The following NRXN3 variants were observed in gnomAD, a reference collection of about 807,000 sequenced individuals.
NRXN3 encodes neurexin 3.
Under a neutral mutation model 137.6 loss-of-function variants are expected in NRXN3, and 32 were observed. The observed-to-expected ratio is 0.23, with a 90% confidence interval of 0.18 to 0.31. NRXN3 has a LOEUF of 0.31. NRXN3 is among the 10% of genes least tolerant of loss of function. The pLI, the probability that NRXN3 is intolerant of heterozygous loss-of-function variation, is 1.00. For synonymous variants in NRXN3, 798 were observed against 784.5 expected, an observed-to-expected ratio of 1.02 and a Z score of -0.29; for missense variants, 1,574 against 2,062.5, an observed-to-expected ratio of 0.76 and a Z score of 4.59.
intron 4 of NRXN3, among the ~76,000 whole-genome samples, chr14:78,541,423 G>A (rs2096588435): frequency 6.6e-6 from 1 of 152,074 alleles, no homozygotes; most frequent in African/African-American, 2.4e-5. Flanking sequence ...TGAAACTTGT[G>A]TATGCATCAT....
intron 15 of NRXN3, among the ~76,000 whole-genome samples, chr14:79,040,752 T>C (rs1410960447): frequency 6.6e-6 from 1 of 152,180 alleles, no homozygotes; most frequent in Non-Finnish European, 1.5e-5. Context: ...GTGTCTCATG[T>C]GCATAAGGTG....
At chr14:79,636,052 C>T (rs575318479) in intron 16 of NRXN3, among the ~76,000 whole-genome samples, 1 of 152,228 alleles carries the variant, frequency 6.6e-6, no homozygotes, top group South Asian at 2.1e-4. Flanking sequence ...GTAGGGACAA[C>T]CACATCACTG....
At chr14:79,686,618 A>C (rs2098696131) in intron 17 of NRXN3, among the ~76,000 whole-genome samples, 1 of 152,186 alleles carries the variant, frequency 6.6e-6, no homozygotes, top group African/African-American at 2.4e-5. Flanking sequence ...AAAACAGATG[A>C]AGACACCAAG....
chr14:79,482,527 G>A (rs1041692660), intron 16 of NRXN3, among the ~76,000 whole-genome samples: 8 of 152,046 alleles, frequency 5.3e-5, no homozygotes, highest in African/African-American at 1.7e-4. Context: ...CAAAAAAATA[G>A]CATCTTCACC....
intron 20 of NRXN3, among the ~76,000 whole-genome samples, chr14:79,855,781 G>GT (rs2099401296): frequency 6.6e-6 from 1 of 152,134 alleles, no homozygotes; most frequent in Non-Finnish European, 1.5e-5. Context: ...AGTAGGTACT[G>GT]TGTTAACCAT....
At chr14:78,319,069 A>G (rs1190945745) in intron 4 of NRXN3, among the ~76,000 whole-genome samples, 1 of 152,232 alleles carries the variant, frequency 6.6e-6, no homozygotes, top group Non-Finnish European at 1.5e-5. Flanking sequence ...CTTTGAGGCC[A>G]TCACTTTGAA....
At chr14:79,764,519 C>G (rs1347961852) in intron 19 of NRXN3, among the ~76,000 whole-genome samples, 1 of 152,186 alleles carries the variant, frequency 6.6e-6, no homozygotes, top group Non-Finnish European at 1.5e-5. Context: ...ACTCAGTGCT[C>G]TAGCATGGGG....
chr14:79,631,190 G>A (rs1328601506), intron 16 of NRXN3, among the ~76,000 whole-genome samples: 1 of 152,256 alleles, frequency 6.6e-6, no homozygotes, highest in East Asian at 1.9e-4. Context: ...TCTAATGAGA[G>A]GAGACAGATC....
intron 16 of NRXN3, among the ~76,000 whole-genome samples, chr14:79,651,985 T>C (rs1248051707): frequency 6.6e-6 from 1 of 152,186 alleles, no homozygotes; most frequent in East Asian, 1.9e-4. Flanking sequence ...CTATTGAAAG[T>C]GAAGACTCAG....
chr14:79,239,152 G>A (rs571351024), intron 15 of NRXN3, among the ~76,000 whole-genome samples: 1 of 152,186 alleles, frequency 6.6e-6, no homozygotes, highest in South Asian at 2.1e-4. Flanking sequence ...AGAGATTAAT[G>A]ACAATAACTA....
At chr14:78,751,655 C>A (rs1407979179) in intron 8 of NRXN3, among the ~76,000 whole-genome samples, 1 of 152,188 alleles carries the variant, frequency 6.6e-6, no homozygotes, top group African/African-American at 2.4e-5. Flanking sequence ...GATTCCCACT[C>A]TTCCAGCACT....
chr14:79,240,101 G>A (rs1177213373), intron 15 of NRXN3, among the ~76,000 whole-genome samples: 2 of 152,110 alleles, frequency 1.3e-5, no homozygotes, highest in African/African-American at 4.8e-5. Flanking sequence ...ATATTAATTA[G>A]TTTGAGTTAA....
chr14:78,961,424 A>G (rs566378351), intron 11 of NRXN3, among the ~76,000 whole-genome samples: 9 of 152,242 alleles, frequency 5.9e-5, no homozygotes, highest in South Asian at 4.1e-4. Flanking sequence ...ACTGGGGGAC[A>G]TATAGAAGAC....
intron 15 of NRXN3, among the ~76,000 whole-genome samples, chr14:79,174,748 C>T (rs991021579): frequency 8.6e-5 from 13 of 151,656 alleles, no homozygotes; most frequent in African/African-American, 2.2e-4. Flanking sequence ...GCAGAATGGA[C>T]TTGATCTGTC....
At chr14:79,452,610 C>T (rs1374097294) in intron 15 of NRXN3, among the ~76,000 whole-genome samples, 1 of 152,196 alleles carries the variant, frequency 6.6e-6, no homozygotes, top group African/African-American at 2.4e-5. Context: ...ATGCAGTCAC[C>T]TCTCACAAGG....
intron 4 of NRXN3, among the ~76,000 whole-genome samples, chr14:78,451,272 ACCT>A (rs2094545187): frequency 6.6e-6 from 1 of 152,186 alleles, no homozygotes; most frequent in Non-Finnish European, 1.5e-5. Flanking sequence ...TACATCTATG[ACCT>A]CCTGTGTCTT....
chr14:79,504,655 G>GTATATATATATATATATATACATATATA (rs994714026), intron 16 of NRXN3, among the ~76,000 whole-genome samples: 1 of 104,220 alleles, frequency 9.6e-6, no homozygotes, highest in African/African-American at 3.4e-5. Flanking sequence ...ATATATATAT[G>GTATATATATATATATATATACATATATA]TATATATATA....
intron 4 of NRXN3, among the ~76,000 whole-genome samples, chr14:78,298,550 T>G (rs2076578918): frequency 6.6e-6 from 1 of 152,232 alleles, no homozygotes; most frequent in South Asian, 2.1e-4. Flanking sequence ...TCAGCTCAGC[T>G]AAGCACAGGG....
chr14:78,467,976 C>T lies in NRXN3; in HGVS notation c.757+170116C>T, dbSNP rs1203511021. On this transcript the variant is annotated intron_variant, in intron 4 of 20. Transcript: ENST00000335750. Reference sequence around the variant, plus strand: ...GCTCGTTCTGTCGCACAGGCTGGAGCGCAGTGGCACGATCTTGGCTCACTG... The same window carrying T: ...GCTCGTTCTGTCGCACAGGCTGGAGTGCAGTGGCACGATCTTGGCTCACTG... 5.3e-5 allele frequency among the ~76,000 whole-genome samples: 8 copies of T among 151,844 alleles called. No individual in the cohort carries two copies. The East Asian group carries it at 9.7e-4, about 18-fold the overall frequency.
Sources: gnomAD v4.1 joint callset for allele counts (sites outside exome capture counted in the v4.1 genomes callset) on GRCh38, gnomAD v4.1.1 for gene constraint, MANE v1.5 for transcripts, NCBI Gene and HGNC (gene_info 2026-07-23, HGNC 2026-07-21) for gene names.